Variants in DCAF8L2 observed in about 807,000 individuals in gnomAD.
DCAF8L2 encodes DDB1 and CUL4 associated factor 8 like 2, also known as DDB1- and CUL4-associated factor 8-like protein 2.
For missense variants in DCAF8L2, 430 were observed against 490.7 expected (o/e 0.88, Z 1.17); for synonymous variants, 200 against 190.9 (o/e 1.05, Z -0.39).
At chrX:27,556,251 A>G in the DCAF8L2 span, among the ~76,000 whole-genome samples, 11 of 111,122 alleles carry the variant, frequency 9.9e-5, no homozygotes, top group African/African-American at 3.6e-4. Flanking sequence ...CCCTAATTAA[A>G]TCAGTTTCTC....
chrX:27,619,260 A>G (rs1220222744), intron 1 of DCAF8L2, among the ~76,000 whole-genome samples: 1 of 111,543 alleles, frequency 9.0e-6, no homozygotes, highest in Non-Finnish European at 1.9e-5. Context: ...GCTACTGTAA[A>G]TCTCCAAACA....
At chrX:27,703,846 T>C (rs1165863798) in intron 3 of DCAF8L2, among the ~76,000 whole-genome samples, 4 of 110,044 alleles carry the variant, frequency 3.6e-5, no homozygotes, top group African/African-American at 1.3e-4. Flanking sequence ...TTTTCTTAGA[T>C]ATGACACCAA....
At chrX:27,670,223 G>A (rs183368744) in intron 2 of DCAF8L2, among the ~76,000 whole-genome samples, 3 of 107,915 alleles carry the variant, frequency 2.8e-5, no homozygotes, top group East Asian at 5.9e-4. Context: ...ATTCCCTGAT[G>A]TTTTCATTTA....
At chrX:27,599,986 T>G (rs912982715) in intron 1 of DCAF8L2, among the ~76,000 whole-genome samples, 2 of 112,134 alleles carry the variant, frequency 1.8e-5, no homozygotes, top group Admixed American at 1.9e-4. Context: ...TTAAGATTGG[T>G]CGTTTATTCG....
intron 4 of DCAF8L2, among the ~76,000 whole-genome samples, chrX:27,742,140 C>T (rs1921886752): frequency 8.9e-6 from 1 of 111,734 alleles, no homozygotes; most frequent in Non-Finnish European, 1.9e-5. Flanking sequence ...AACTTGCCAC[C>T]TTTTTTAGAG....
the DCAF8L2 span, among the ~76,000 whole-genome samples, chrX:27,581,165 A>G: frequency 4.5e-5 from 5 of 112,138 alleles, no homozygotes; most frequent in East Asian, 1.4e-3. Flanking sequence ...TGGGCAACTC[A>G]GTTCTATACA....
chrX:27,641,321 T>C (rs1928708261), intron 2 of DCAF8L2, among the ~76,000 whole-genome samples: 1 of 111,599 alleles, frequency 9.0e-6, no homozygotes, highest in Admixed American at 9.5e-5. Context: ...CACTTTTATT[T>C]TTGAAATTTT....
At chrX:27,628,141 G>T (rs1380424250) in intron 1 of DCAF8L2, among the ~76,000 whole-genome samples, 1 of 111,037 alleles carries the variant, frequency 9.0e-6, no homozygotes, top group Non-Finnish European at 1.9e-5. Context: ...TTCCTTCCAT[G>T]AATTTGACTA....
chrX:27,730,058 AAAC>A (rs1213344031), intron 4 of DCAF8L2, among the ~76,000 whole-genome samples: 2 of 111,924 alleles, frequency 1.8e-5, no homozygotes, highest in African/African-American at 3.2e-5. Flanking sequence ...TGATAAGACA[AAAC>A]ATTAAGGCAC....
the DCAF8L2 span, among the ~76,000 whole-genome samples, chrX:27,574,100 C>G: frequency 9.1e-6 from 1 of 110,399 alleles, no homozygotes; most frequent in Non-Finnish European, 1.9e-5. Context: ...TCCTGAGTAG[C>G]TGGAACTACA....
At chrX:27,533,679 C>T in the DCAF8L2 span, among the ~76,000 whole-genome samples, 1 of 111,347 alleles carries the variant, frequency 9.0e-6, no homozygotes, top group Non-Finnish European at 1.9e-5. Context: ...TTAAACAAGA[C>T]AAAAAACCTG....
chrX:27,653,743 C>A (rs949275459), intron 2 of DCAF8L2, among the ~76,000 whole-genome samples: 16 of 106,942 alleles, frequency 1.5e-4, no homozygotes, highest in Non-Finnish European at 3.1e-4. Flanking sequence ...CACACACACA[C>A]ACACACACAC....
At chrX:27,616,790 G>A (rs746299793) in intron 1 of DCAF8L2, among the ~76,000 whole-genome samples, 9 of 111,161 alleles carry the variant, frequency 8.1e-5, no homozygotes, top group Non-Finnish European at 1.7e-4. Flanking sequence ...AAAACGGATT[G>A]AACACAGGAT....
the DCAF8L2 span, among the ~76,000 whole-genome samples, chrX:27,567,735 C>T: frequency 9.3e-6 from 1 of 107,082 alleles, no homozygotes; most frequent in Non-Finnish European, 1.9e-5. Flanking sequence ...GCTTTATAGA[C>T]AGAGAGGGGC....
intron 2 of DCAF8L2, among the ~76,000 whole-genome samples, chrX:27,643,236 G>C (rs181190505): frequency 1.8e-5 from 2 of 112,117 alleles, no homozygotes; most frequent in Admixed American, 9.5e-5. Context: ...CTAGCCAACA[G>C]TTGTTATCTT....
chrX:27,497,673 A>G, the DCAF8L2 span, among the ~76,000 whole-genome samples: 1 of 109,671 alleles, frequency 9.1e-6, no homozygotes, highest in Non-Finnish European at 1.9e-5. Context: ...GGTTCAAGCG[A>G]TTCTTCTGCC....
At chrX:27,733,127 G>C (rs1366555778) in intron 4 of DCAF8L2, among the ~76,000 whole-genome samples, 1 of 111,127 alleles carries the variant, frequency 9.0e-6, no homozygotes, top group Non-Finnish European at 1.9e-5. Flanking sequence ...AAAGTGCTGG[G>C]ATTACAGGTA....
the DCAF8L2 span, among the ~76,000 whole-genome samples, chrX:27,548,397 T>A: frequency 6.3e-5 from 7 of 111,605 alleles, no homozygotes; most frequent in African/African-American, 2.3e-4. Flanking sequence ...CAAAATGGTG[T>A]GGAGGCATTA....
At chrX:27,603,282 G>A (rs1926731969) in intron 1 of DCAF8L2, among the ~76,000 whole-genome samples, 1 of 111,465 alleles carries the variant, frequency 9.0e-6, no homozygotes, top group African/African-American at 3.3e-5. Context: ...TCTACTTTAA[G>A]CTTCTGTGCT....
Sources: gnomAD v4.1 joint callset for allele counts (sites outside exome capture counted in the v4.1 genomes callset) on GRCh38, gnomAD v4.1.1 for gene constraint, MANE v1.5 for transcripts, NCBI Gene and HGNC (gene_info 2026-07-23, HGNC 2026-07-21) for gene names.